Variants in COL4A6 observed in about 807,000 individuals in gnomAD.
COL4A6 encodes the protein collagen alpha-6(IV) chain.
COL4A6 carries 59 observed loss-of-function variants against 126.7 expected under a neutral mutation model. That is an observed-to-expected ratio of 0.47 (90% CI 0.38 to 0.58). The LOEUF is 0.58. Ranked by LOEUF, COL4A6 falls within the 20% of genes least tolerant of loss-of-function variation. The pLI, the probability that COL4A6 is intolerant of heterozygous loss-of-function variation, is 0.00. For missense variants in COL4A6, 1,285 were observed against 1,337.3 expected, an observed-to-expected ratio of 0.96 and a Z score of 0.61; for synonymous variants, 547 against 496.6, an observed-to-expected ratio of 1.10 and a Z score of -1.35.
At chrX:108,433,236 A>G (rs939459532) in intron 2 of COL4A6, among the ~76,000 whole-genome samples, 2 of 112,074 alleles carry the variant, frequency 1.8e-5, no homozygotes, top group African/African-American at 6.5e-5. Flanking sequence ...AGATTAAAGA[A>G]AGAGAGTTGA....
intron 37 of COL4A6, among the ~76,000 whole-genome samples, chrX:108,167,466 G>T (rs1311527412): frequency 9.0e-6 from 1 of 111,032 alleles, no homozygotes; most frequent in Non-Finnish European, 1.9e-5. Context: ...CCCCCGAGTA[G>T]CTGGGATTAC....
intron 3 of COL4A6, among the ~76,000 whole-genome samples, chrX:108,299,977 T>A (rs758780041): frequency 8.9e-6 from 1 of 111,908 alleles, no homozygotes; most frequent in Non-Finnish European, 1.9e-5. Flanking sequence ...CTTATACTTA[T>A]AACCCCCACA....
intron 2 of COL4A6, among the ~76,000 whole-genome samples, chrX:108,339,605 T>G (rs927269831): frequency 8.1e-5 from 9 of 111,567 alleles, no homozygotes; most frequent in African/African-American, 2.9e-4. Context: ...TAGATAGGTC[T>G]TGTGGATGAT....
chrX:108,208,606 T>C (rs59821791), intron 8 of COL4A6, among the ~76,000 whole-genome samples: 5,500 of 111,883 alleles, frequency 0.049, 193 homozygotes, highest in African/African-American at 0.11. Flanking sequence ...GAAAAAATCA[T>C]AAGGGAACTT....
intron 2 of COL4A6, among the ~76,000 whole-genome samples, chrX:108,434,622 C>T (rs973744166): frequency 9.1e-5 from 10 of 110,296 alleles, no homozygotes; most frequent in African/African-American, 3.3e-4. Flanking sequence ...CTATTATCCC[C>T]TCCTCTATCT....
At chrX:108,159,929 G>A in intron 43 of COL4A6, 181 bp from the exon 44 acceptor site, 1 of 525,348 alleles carries the variant, frequency 1.9e-6, no homozygotes, top group Non-Finnish European at 3.4e-6. Context: ...ATGCACCAGG[G>A]AAATTTGATA....
At position 108,297,954 on chromosome X, in the gene COL4A6, T is replaced by G. The variant is rs369945881; in HGVS notation, c.144+12794A>C. On this transcript the variant is annotated intron_variant, in intron 3 of 44. Transcript: ENST00000334504. ...CCTCTTTTTCTCTCTCTCACGTGTG[T>G]GTGTGAGTACACACACCACACACAC... Among the ~76,000 whole-genome samples the G allele has an allele frequency of 4.5e-4, 49 of 108,609 alleles. No individual in the cohort carries two copies. The East Asian group carries it at 7.9e-3, about 18-fold the overall frequency. The allele number at this position is 108,609 out of a possible 115,157, so 94.3% of individuals were successfully genotyped here. A position where few individuals can be genotyped will look rare whatever the true frequency, so the allele number is the denominator to read the frequency against.
In COL4A6 at chrX:108,164,011, G is replaced by A. The variant is rs776713344; in HGVS notation, c.4069+589C>T. ...AGGGAGGCATCACACAGGGCTTTGC[G>A]TGCCACGGTGAGTTCATTCCTACGC... On this transcript the variant is annotated intron_variant, in intron 40 of 44. Transcript: ENST00000334504. Among the ~76,000 whole-genome samples, 9 of 111,520 alleles carry A rather than the reference G, an allele frequency of 8.1e-5. No individual in the cohort carries two copies. The East Asian group carries it at 8.5e-4, about 10-fold the overall frequency.
At chrX:108,352,841 T>C (rs1182700366) in intron 2 of COL4A6, among the ~76,000 whole-genome samples, 1 of 112,370 alleles carries the variant, frequency 8.9e-6, no homozygotes, top group Non-Finnish European at 1.9e-5. Context: ...ATGTATGCCA[T>C]GCTGCTTCTG....
At chrX:108,380,318 A>G (rs967843788) in intron 2 of COL4A6, among the ~76,000 whole-genome samples, 20 of 112,495 alleles carry the variant, frequency 1.8e-4, no homozygotes, top group Non-Finnish European at 3.0e-4. Context: ...CTGAATTGCC[A>G]TTTAAGAAAA....
At chrX:108,337,168 A>G (rs112407565) in intron 2 of COL4A6, among the ~76,000 whole-genome samples, 1 of 111,583 alleles carries the variant, frequency 9.0e-6, no homozygotes, top group African/African-American at 3.2e-5. Flanking sequence ...TCAGTGTCTC[A>G]CCCAATATTT....
chrX:108,362,213 A>C (rs751421791), intron 2 of COL4A6, among the ~76,000 whole-genome samples: 8 of 112,109 alleles, frequency 7.1e-5, no homozygotes, highest in Non-Finnish European at 1.3e-4. Context: ...GCCTGTAGGG[A>C]GTGGTCACAG....
rs780882543 is a variant in COL4A6, at chrX:108,179,203, G to T, written c.2353+14C>A. 7.2e-5 allele frequency: 86 copies of T among 1,191,299 alleles called. No individual in the cohort carries two copies. Among genetic ancestry groups the T allele is most frequent in the Admixed American group, 4.0e-4 (18 of 45,111 alleles). ...TTCTGTAGATTGTTAAATAATTGGG[G>T]CAAAAAGATTCACCCTTGAGTCCTG... On this transcript the variant is annotated intron_variant, in intron 26 of 44. Coordinates refer to ENST00000334504, the MANE Select transcript of COL4A6 (RefSeq NM_033641.4).
chrX:108,188,048 G>A (rs748426550), intron 21 of COL4A6, 21 bp from the exon 22 acceptor site: 65 of 1,162,248 alleles, frequency 5.6e-5, no homozygotes, highest in Non-Finnish European at 7.3e-5. Flanking sequence ...AAAGAGAGAA[G>A]AGGGAGTAGT....
intron 2 of COL4A6, among the ~76,000 whole-genome samples, chrX:108,436,689 C>T (rs1049034701): frequency 8.9e-5 from 10 of 111,864 alleles, no homozygotes; most frequent in African/African-American, 3.2e-4. Flanking sequence ...TCTTTGCTTA[C>T]GAAGTCCAGA....
At chrX:108,433,443 T>C (rs1018714442) in intron 2 of COL4A6, among the ~76,000 whole-genome samples, 3 of 111,990 alleles carry the variant, frequency 2.7e-5, no homozygotes, top group African/African-American at 9.7e-5. Flanking sequence ...TCTATGTGTA[T>C]GTCTTGTCAC....
chrX:108,217,933 T>C (rs886213439), intron 5 of COL4A6, among the ~76,000 whole-genome samples: 3 of 111,726 alleles, frequency 2.7e-5, no homozygotes, highest in Non-Finnish European at 5.6e-5. Flanking sequence ...AGTGGGGACT[T>C]CTACTGGGAG....
Position 108,435,255 on chromosome X carries a change from G to A in COL4A6, c.63+2687C>T, listed in dbSNP as rs769505620. ...AGACCTTTTCCTGAAAGCTCATTTG[G>A]AGGGGGCAAAGTGTGAAGAAAACAT... On this transcript the variant is annotated intron_variant, in intron 2 of 44. Transcript: ENST00000334504. Among the ~76,000 whole-genome samples the A allele has an allele frequency of 3.6e-5, 4 of 111,787 alleles. No individual in the cohort carries two copies. In the East Asian group the frequency reaches 1.1e-3, roughly 31 times the overall value.
At chrX:108,226,133 T>C (rs892176497) in intron 3 of COL4A6, among the ~76,000 whole-genome samples, 1 of 112,711 alleles carries the variant, frequency 8.9e-6, no homozygotes, top group Non-Finnish European at 1.9e-5. Context: ...TATAACCATC[T>C]TGAGTATCAA....
Sources: gnomAD v4.1 joint callset for allele counts (sites outside exome capture counted in the v4.1 genomes callset) on GRCh38, gnomAD v4.1.1 for gene constraint, MANE v1.5 for transcripts, NCBI Gene and HGNC (gene_info 2026-07-23, HGNC 2026-07-21) for gene names.